The following PACSIN2 variants were observed in gnomAD, a reference collection of about 807,000 sequenced individuals.
The protein encoded by PACSIN2 is protein kinase C and casein kinase substrate in neurons protein 2.
A neutral mutation model predicts 63.8 loss-of-function variants in PACSIN2; 25 were observed. The ratio of observed to expected loss-of-function variants is 0.39; its 90% CI spans 0.29 to 0.55. PACSIN2 has a LOEUF of 0.55. PACSIN2 is among the 20% of genes least tolerant of loss of function. The pLI is 0.62. For missense variants in PACSIN2, 518 were observed against 646.9 expected, an observed-to-expected ratio of 0.80 and a Z score of 2.16; for synonymous variants, 255 against 256.2, an observed-to-expected ratio of 1.00 and a Z score of 0.05.
chr22:42,886,630 T>G (rs946148354), intron 5 of PACSIN2, among the ~76,000 whole-genome samples: 1 of 152,072 alleles, frequency 6.6e-6, no homozygotes, highest in Non-Finnish European at 1.5e-5. Flanking sequence ...CACACCCAAC[T>G]AAGTTTTTAA....
chr22:42,925,241 C>G (rs938105491), intron 1 of PACSIN2, among the ~76,000 whole-genome samples: 5 of 151,896 alleles, frequency 3.3e-5, no homozygotes, highest in Admixed American at 6.6e-5. Flanking sequence ...GCACTTTGGG[C>G]GGCCGAGGCT....
chr22:42,982,892 AACAAC>A (rs1922319005), intron 1 of PACSIN2, among the ~76,000 whole-genome samples: 1 of 114,272 alleles, frequency 8.8e-6, no homozygotes, highest in African/African-American at 4.1e-5. Flanking sequence ...AAAAAAAAAC[AACAAC>A]AAGGCTAGGA....
chr22:42,949,113 T>A (rs1056667418), intron 1 of PACSIN2, among the ~76,000 whole-genome samples: 1 of 152,162 alleles, frequency 6.6e-6, no homozygotes, highest in Non-Finnish European at 1.5e-5. Context: ...AGCAACAAGG[T>A]GGGATCCTGT....
At position 42,879,161 on chromosome 22, in the gene PACSIN2, G is replaced by A. The variant is rs544531095; in HGVS notation, c.915C>T (p.Ser305=). Residue 305 remains serine, a synonymous_variant, in exon 8 of 11, where the codon TCC becomes TCT. Transcript: ENST00000263246. ...GGCTGAGGGTTCGATTCAGGTCTGCGGACCACTCCTAGGCAACAGGTGCCG... is the reference window on the plus strand; with the variant it reads ...GGCTGAGGGTTCGATTCAGGTCTGCAGACCACTCCTAGGCAACAGGTGCCG... ...AMNWPQFEEW[S]ADLNRTLSRR... 16 of 1,613,606 alleles carry A rather than the reference G, an allele frequency of 9.9e-6. No individual in the cohort carries two copies. The highest frequency in any genetic ancestry group is 3.3e-5 in the South Asian group (3 of 91,058).
chr22:42,884,268 T>C (rs1236297343), intron 6 of PACSIN2, 118 bp downstream of exon 6: 2 of 870,118 alleles, frequency 2.3e-6, no homozygotes, highest in African/African-American at 3.4e-5. Flanking sequence ...CTGAGGGCGG[T>C]GAGGAGACCT....
At chr22:43,001,103 C>G (rs9611982) in intron 1 of PACSIN2, among the ~76,000 whole-genome samples, 5,313 of 152,268 alleles carry the variant, frequency 0.035, 141 homozygotes, top group Middle Eastern at 0.095. Flanking sequence ...AATCCAGTCT[C>G]GAAATAAATC....
rs1339488731 is a variant in PACSIN2, at chr22:42,927,580, T to TTTAG, written c.-77-15427_-77-15424dup. Reference sequence around the variant, plus strand: ...TTTTATTTATTTATTTATTTAGTTATTTAGTTATTTAGTTAGTTATTTTTG... The same window carrying TTTAG: ...TTTTATTTATTTATTTATTTAGTTATTTAGTTAGTTATTTAGTTAGTTATTTTTG... On this transcript the variant is annotated intron_variant, in intron 1 of 10. Coordinates refer to ENST00000263246, the MANE Select transcript of PACSIN2 (RefSeq NM_001184970.3). Among the ~76,000 whole-genome samples, 748 of 150,476 alleles carry TTTAG rather than the reference T, an allele frequency of 5.0e-3. 45 individuals carry two copies. Among genetic ancestry groups the TTTAG allele is most frequent in the South Asian group, 0.016 (78 of 4,744 alleles).
intron 1 of PACSIN2, among the ~76,000 whole-genome samples, chr22:42,942,264 A>T (rs928387069): frequency 9.2e-5 from 14 of 152,180 alleles, no homozygotes; most frequent in African/African-American, 3.4e-4. Context: ...TATTCAAGGT[A>T]TCTTTATCAG....
At chr22:42,876,057 G>A in intron 10 of PACSIN2, 80 bp downstream of exon 10, 2 of 1,279,004 alleles carry the variant, frequency 1.6e-6, no homozygotes, top group Non-Finnish European at 2.2e-6. Flanking sequence ...AACTTTTCCA[G>A]ACTTAAAAAA....
chr22:42,999,023 C>A (rs1038609253), intron 1 of PACSIN2, among the ~76,000 whole-genome samples: 2 of 152,242 alleles, frequency 1.3e-5, no homozygotes, highest in African/African-American at 4.8e-5. Context: ...CATTCACCAT[C>A]CTTCAAGTCC....
At chr22:42,981,910 G>A (rs1339198849) in intron 1 of PACSIN2, among the ~76,000 whole-genome samples, 7 of 82,060 alleles carry the variant, frequency 8.5e-5, no homozygotes, top group Non-Finnish European at 1.0e-4. Flanking sequence ...CGCCCCGTCC[G>A]GGAGGTGAGG....
chr22:42,912,267 C>A (rs191701262), intron 1 of PACSIN2, 110 bp from the exon 2 acceptor site: 2 of 549,446 alleles, frequency 3.6e-6, no homozygotes. Context: ...CAGTACAGGG[C>A]GGTCTATAAT....
At chr22:42,942,051 A>G in intron 1 of PACSIN2, among the ~76,000 whole-genome samples, 1 of 151,158 alleles carries the variant, frequency 6.6e-6, no homozygotes, top group South Asian at 2.1e-4. Context: ...TGCTGGGATT[A>G]CAGGAGTGAG....
At chr22:42,951,120 T>G (rs1933671797) in intron 1 of PACSIN2, among the ~76,000 whole-genome samples, 2 of 152,152 alleles carry the variant, frequency 1.3e-5, no homozygotes, top group Admixed American at 6.5e-5. Context: ...ATACACTGAT[T>G]GAGTTGCTTT....
intron 10 of PACSIN2, among the ~76,000 whole-genome samples, chr22:42,872,507 T>C (rs963896338): frequency 3.9e-5 from 6 of 152,240 alleles, no homozygotes; most frequent in East Asian, 1.9e-4. Context: ...GATGCAGTTT[T>C]CCCCCTGGTT....
intron 1 of PACSIN2, among the ~76,000 whole-genome samples, chr22:42,918,893 T>C (rs753832418): frequency 2.0e-5 from 3 of 152,090 alleles, no homozygotes; most frequent in Non-Finnish European, 4.4e-5. Context: ...CAGCACCCTC[T>C]CAGCTGAAGA....
In PACSIN2 at chr22:42,882,255, C is replaced by T; in HGVS notation, c.835G>A (p.Ala279Thr). Residue 279 changes from alanine (A) to threonine (T), a missense_variant, in exon 7 of 11, where the codon GCA becomes ACA. Around this residue, in one of 2 missense-constraint regions of PACSIN2, gnomAD observed 507 missense variants for 612.3 expected, o/e 0.83. Coordinates refer to ENST00000263246, the MANE Select transcript of PACSIN2 (RefSeq NM_001184970.3). ...DLEQSIRAADAVEDLRWFRAN... is the reference protein window; with the variant it reads ...DLEQSIRAADTVEDLRWFRAN... ...CGGAACCACCTCAGGTCCTCCACTG[C>T]ATCAGCTGCTCTGATGCTCTGCTCC... is the stretch of plus-strand genomic sequence containing the variant. 6.2e-7 allele frequency: 1 copy of T among 1,614,054 alleles called. No homozygotes were observed. The highest frequency in any genetic ancestry group is 1.1e-5 in the South Asian group (1 of 91,080).
At chr22:42,911,916 G>GT (rs1267016148) in intron 2 of PACSIN2, 105 bp downstream of exon 2, 2 of 762,670 alleles carry the variant, frequency 2.6e-6, no homozygotes, top group Admixed American at 5.1e-5. Flanking sequence ...GCTGGTTTGG[G>GT]GGTATGTTCA....
intron 6 of PACSIN2, among the ~76,000 whole-genome samples, chr22:42,883,734 G>A (rs374143383): frequency 1.1e-4 from 16 of 152,350 alleles, no homozygotes; most frequent in East Asian, 9.6e-4. Flanking sequence ...GGCCAGGTGC[G>A]GTGGCTCACG....
Sources: allele counts gnomAD v4.1 joint callset (sites outside exome capture counted in the v4.1 genomes callset), GRCh38; gene constraint gnomAD v4.1.1; regional missense constraint gnomAD v4.1.1; transcripts MANE v1.5; gene names NCBI Gene and HGNC (gene_info 2026-07-23, HGNC 2026-07-21).